Variants in FAT3 observed in about 807,000 individuals in gnomAD.
FAT3 encodes the protein FAT atypical cadherin 3, also known as protocadherin Fat 3.
FAT3 carries 95 observed loss-of-function variants against 310.2 expected under a neutral mutation model. The ratio of observed to expected loss-of-function variants is 0.31; its 90% confidence interval spans 0.26 to 0.36. The LOEUF (loss-of-function observed/expected upper bound fraction) is 0.36, where lower values mean the gene tolerates loss of function less well. Among genes scored for constraint, FAT3 ranks in the 10% least tolerant of loss-of-function variants. The pLI is 1.00. For missense variants in FAT3, 5,408 were observed against 5,715.6 expected (o/e 0.95, Z 1.74); for synonymous variants, 2,314 against 2,192.9 (o/e 1.06, Z -1.54).
intron 2 of FAT3, among the ~76,000 whole-genome samples, chr11:92,370,306 T>C (rs1949148762): frequency 1.3e-5 from 2 of 152,216 alleles, no homozygotes; most frequent in South Asian, 4.1e-4. Context: ...AGCACCATGA[T>C]TCTTAAAAAG....
intron 13 of FAT3, among the ~76,000 whole-genome samples, chr11:92,826,328 G>A (rs17615856): frequency 0.041 from 6,295 of 152,302 alleles, 170 homozygotes; most frequent in Non-Finnish European, 0.062. Flanking sequence ...CCAAGCCTGG[G>A]TCATAAAGAC....
intron 21 of FAT3, among the ~76,000 whole-genome samples, chr11:92,866,177 C>T (rs1366722822): frequency 6.6e-6 from 1 of 152,176 alleles, no homozygotes; most frequent in Non-Finnish European, 1.5e-5. Context: ...CCCTGTGGAG[C>T]ACTCATATAA....
chr11:92,829,034 G>A (rs7945975), intron 13 of FAT3, among the ~76,000 whole-genome samples: 130,511 of 152,216 alleles, frequency 0.86, 56,068 homozygotes, highest in East Asian at 0.94. Flanking sequence ...TCACAGCACT[G>A]TGGCCTTCAG....
intron 22 of FAT3, among the ~76,000 whole-genome samples, chr11:92,868,349 C>T (rs1381536394): frequency 6.6e-6 from 1 of 152,044 alleles, no homozygotes; most frequent in African/African-American, 2.4e-5. Context: ...GGCCAAGTAC[C>T]CTGGGGGGAA....
At chr11:92,484,586 T>C (rs980195051) in intron 2 of FAT3, among the ~76,000 whole-genome samples, 1 of 152,134 alleles carries the variant, frequency 6.6e-6, no homozygotes, top group East Asian at 1.9e-4. Context: ...CTTTAAAACA[T>C]TGGATGATGG....
intron 2 of FAT3, among the ~76,000 whole-genome samples, chr11:92,465,451 A>G (rs1951735075): frequency 6.6e-6 from 1 of 152,124 alleles, no homozygotes; most frequent in Admixed American, 6.6e-5. Context: ...GTTTCTCCAC[A>G]TCCTCTCCAG....
At chr11:92,410,639 A>G (rs1273983607) in intron 2 of FAT3, among the ~76,000 whole-genome samples, 1 of 152,128 alleles carries the variant, frequency 6.6e-6, no homozygotes, top group Non-Finnish European at 1.5e-5. Context: ...TTAGCTAACA[A>G]GTAAGCTTAG....
chr11:92,411,772 T>C (rs1275217607), intron 2 of FAT3, among the ~76,000 whole-genome samples: 6 of 151,930 alleles, frequency 3.9e-5, no homozygotes, highest in Non-Finnish European at 8.8e-5. Flanking sequence ...TCTAAATTCA[T>C]CGTGTCTTCT....
chr11:92,712,762 C>A (rs1944562899), intron 4 of FAT3, among the ~76,000 whole-genome samples: 1 of 152,194 alleles, frequency 6.6e-6, no homozygotes, highest in Non-Finnish European at 1.5e-5. Flanking sequence ...AAATGCCTAA[C>A]AAATGACAAG....
At chr11:92,724,032 A>G (rs1403463049) in intron 4 of FAT3, among the ~76,000 whole-genome samples, 2 of 152,218 alleles carry the variant, frequency 1.3e-5, no homozygotes, top group Non-Finnish European at 2.9e-5. Flanking sequence ...CTGTTTAACA[A>G]AACATAGTGG....
At chr11:92,525,028 T>C in intron 3 of FAT3, 80 bp downstream of exon 3, 1 of 1,162,278 alleles carries the variant, frequency 8.6e-7, no homozygotes. Flanking sequence ...TCTGTACTCA[T>C]TTACTTTATT....
intron 22 of FAT3, among the ~76,000 whole-genome samples, chr11:92,868,312 A>C (rs1949298214): frequency 6.6e-6 from 1 of 152,218 alleles, no homozygotes; most frequent in African/African-American, 2.4e-5. Flanking sequence ...AGTTGTTTAG[A>C]CTTGCATATG....
At chr11:92,646,280 A>C (rs1942164657) in intron 3 of FAT3, among the ~76,000 whole-genome samples, 1 of 152,214 alleles carries the variant, frequency 6.6e-6, no homozygotes, top group South Asian at 2.1e-4. Context: ...TAACAAAAGT[A>C]CCTGCATGTG....
At chr11:92,516,345 A>G (rs929519811) in intron 2 of FAT3, among the ~76,000 whole-genome samples, 1 of 152,194 alleles carries the variant, frequency 6.6e-6, no homozygotes, top group Non-Finnish European at 1.5e-5. Flanking sequence ...TATGCAAATC[A>G]ATAAACATAA....
At position 92,355,377 on chromosome 11, in the gene FAT3, G is replaced by C; in HGVS notation, c.3265G>C (p.Gly1089Arg). ...CTCCATCAGGGATGGCAGTGGTCTT[G>C]GAAGGTTCAGTATAGACGACGAGAG... is the stretch of plus-strand genomic sequence containing the variant. The part of the protein sequence containing the change: ...QYSIRDGSGL[G>R]RFSIDDESGV... The change falls in exon 2 of 28, where the codon GGA (glycine) becomes CGA (arginine). Residue 1089 changes from glycine to arginine, a missense_variant. By Grantham distance (125) the Gly-to-Arg change is moderately radical. Coordinates refer to ENST00000525166, the MANE Select transcript of FAT3 (RefSeq NM_001367949.2). 3 of 1,613,538 alleles carry C rather than the reference G, an allele frequency of 1.9e-6. No individual in the cohort carries two copies. The highest frequency in any genetic ancestry group is 2.5e-6 in the Non-Finnish European group (3 of 1,179,660).
At chr11:92,261,566 A>G (rs554161336) in intron 1 of FAT3, among the ~76,000 whole-genome samples, 99 of 152,204 alleles carry the variant, frequency 6.5e-4, no homozygotes, top group Non-Finnish European at 1.1e-3. Context: ...CCAAAAATCT[A>G]ACTGTGTGAT....
intron 3 of FAT3, among the ~76,000 whole-genome samples, chr11:92,579,231 G>C (rs982644234): frequency 1.3e-5 from 2 of 152,118 alleles, no homozygotes; most frequent in African/African-American, 4.8e-5. Context: ...TTAGGAAGCA[G>C]AATCTGTTAA....
chr11:92,890,577 G>A lies in FAT3; in HGVS notation c.13234G>A (p.Gly4412Arg), dbSNP rs1410423036. 5.0e-6 allele frequency: 8 copies of A among 1,613,868 alleles called. No individual in the cohort carries two copies. Among genetic ancestry groups the A allele is most frequent in the Non-Finnish European group, 6.8e-6 (8 of 1,179,876 alleles). ...GCCCAACTATGAGAACCAGGATGGA[G>A]GGTCTGCACACCAGGGGAGCACACG... Reference protein sequence around the residue: ...EVPNYENQDGGSAHQGSTREL... With the variant: ...EVPNYENQDGRSAHQGSTREL... The change falls in exon 28 of 28, where the codon GGG (glycine) becomes AGG (arginine). Residue 4412 changes from glycine to arginine, a missense_variant. Transcript: ENST00000525166.
At chr11:92,466,445 C>G (rs1951762032) in intron 2 of FAT3, among the ~76,000 whole-genome samples, 1 of 151,982 alleles carries the variant, frequency 6.6e-6, no homozygotes, top group South Asian at 2.1e-4. Flanking sequence ...AGTTTTATGT[C>G]TTGTTTTCGA....
Sources: gnomAD v4.1 joint callset for allele counts (sites outside exome capture counted in the v4.1 genomes callset) on GRCh38, gnomAD v4.1.1 for gene constraint, MANE v1.5 for transcripts, NCBI Gene and HGNC (gene_info 2026-07-23, HGNC 2026-07-21) for gene names.